The following RIPOR3 variants were observed in gnomAD, a reference collection of about 807,000 sequenced individuals.
RIPOR3 encodes the protein RIPOR family member 3.
In RIPOR3, 95 loss-of-function variants were observed where a neutral mutation model predicts 114.3. The observed-to-expected ratio is 0.83, with a 90% confidence interval of 0.70 to 0.99. RIPOR3 has a LOEUF of 0.99. RIPOR3 is among the 50% of genes least tolerant of loss of function. The pLI is 0.00. For synonymous variants in RIPOR3, 575 were observed against 543.8 expected (o/e 1.06, Z -0.80); for missense variants, 1,252 against 1,266.9 (o/e 0.99, Z 0.18).
At chr20:50,672,658 G>A (rs759100905) in intron 1 of RIPOR3, among the ~76,000 whole-genome samples, 4 of 152,184 alleles carry the variant, frequency 2.6e-5, no homozygotes, top group Non-Finnish European at 5.9e-5. Flanking sequence ...ACAGGGGAAG[G>A]GTCAGGCCCC....
At chr20:50,611,321 GT>G in intron 4 of RIPOR3, 117 bp from the exon 5 acceptor site, 1 of 1,339,718 alleles carries the variant, frequency 7.5e-7, no homozygotes. Context: ...AGAAAGCCAT[GT>G]CTACAGCCAC....
chr20:50,599,392 CA>C (rs112794822), intron 13 of RIPOR3, among the ~76,000 whole-genome samples: 85 of 140,402 alleles, frequency 6.1e-4, no homozygotes, highest in African/African-American at 1.8e-3. Context: ...ACTCCGTCTC[CA>C]AAAAAAAAGG....
intron 20 of RIPOR3, 115 bp from the exon 21 acceptor site, chr20:50,588,007 T>C: frequency 1.1e-6 from 1 of 932,260 alleles, no homozygotes; most frequent in South Asian, 1.7e-5. Context: ...CCTCAGCCCC[T>C]TCCTTTTCTC....
chr20:50,623,223 T>G (rs1191234465), intron 2 of RIPOR3, among the ~76,000 whole-genome samples: 7 of 145,698 alleles, frequency 4.8e-5, no homozygotes, highest in South Asian at 2.1e-4. Flanking sequence ...TCATGCCACT[T>G]CACTCCAGCC....
intron 2 of RIPOR3, among the ~76,000 whole-genome samples, chr20:50,630,056 C>G (rs1486459012): frequency 6.6e-6 from 1 of 151,738 alleles, no homozygotes; most frequent in East Asian, 1.9e-4. Flanking sequence ...CAACCTCCAC[C>G]TCCTGGGTTC....
intron 1 of RIPOR3, among the ~76,000 whole-genome samples, chr20:50,634,008 G>A (rs2426184): frequency 7.1e-6 from 1 of 141,350 alleles, no homozygotes; most frequent in South Asian, 2.2e-4. Flanking sequence ...TTTAGACAGG[G>A]TCTGACTCTA....
In RIPOR3 at chr20:50,602,300, T is replaced by G. The variant is rs774013116; in HGVS notation, c.1431A>C (p.Gly477=). The change falls in exon 13 of 22, where the codon GGA becomes GGC. Residue 477 remains glycine (G), a synonymous_variant. Transcript: ENST00000327979. This position sits in a 1 kb window ranked among gnomAD's most constrained non-coding sequence, Gnocchi z 4.3. ...FAEQPGWRNL[G]GESPSLPQGS... ...CCTGTGGCAGGCTGGGGCTCTCCCC[T>G]CCTAAGTTCCTCCAGCCAGGCTGCT... 345 of 1,613,678 alleles carry G rather than the reference T, an allele frequency of 2.1e-4. 2 individuals carry two copies. Among genetic ancestry groups the G allele is most frequent in the Non-Finnish European group, 2.9e-4 (340 of 1,179,932 alleles).
chr20:50,674,199 G>T (rs1024817468), intron 1 of RIPOR3, among the ~76,000 whole-genome samples: 1 of 152,106 alleles, frequency 6.6e-6, no homozygotes, highest in Non-Finnish European at 1.5e-5. Flanking sequence ...AAGTACAGCC[G>T]ACTCCAAGCT....
Position 50,656,067 on chromosome 20 carries a change from A to T in RIPOR3, c.4-25211T>A, listed in dbSNP as rs1201928026. 2.7e-5 allele frequency among the ~76,000 whole-genome samples: 4 copies of T among 150,776 alleles called. No homozygotes were observed. The South Asian group carries it at 8.4e-4, about 32-fold the overall frequency. On this transcript the variant is annotated intron_variant, in intron 1 of 21. Transcript: ENST00000327979. ...GTTGCCCAGGCTGGAGTGCAGTAGC[A>T]TGCGATCTTGGCTCACTGCAACCTC...
At chr20:50,679,099 T>G (rs1186530008) in intron 1 of RIPOR3, among the ~76,000 whole-genome samples, 1 of 46,372 alleles carries the variant, frequency 2.2e-5, no homozygotes, top group Non-Finnish European at 3.8e-5. Flanking sequence ...AGCAAGATCC[T>G]GTCTCAAAAA....
rs1555873215 is a variant in RIPOR3 at position 50,666,183 on chromosome 20, A to ATTACTTTTCT, written c.3+24942_3+24943insAGAAAAGTAA. 1.8e-3 allele frequency among the ~76,000 whole-genome samples: 77 copies of ATTACTTTTCT among 43,768 alleles called. 6 individuals are homozygous for ATTACTTTTCT. The highest frequency in any genetic ancestry group is 3.7e-3 in the African/African-American group (70 of 18,702). The allele number at this position is 43,768 out of a possible 152,430, so 28.7% of individuals were successfully genotyped here. A position where few individuals can be genotyped will look rare whatever the true frequency, so the allele number is the denominator to read the frequency against. The stretch of plus-strand genomic sequence containing the variant: ...CCTAGAATACAGAGAAAGGACACCC[A>ATTACTTTTCT]TTTCTTTTCTTTTCTTTTCTTTTCT... On this transcript the variant is annotated intron_variant, in intron 1 of 21. Transcript: ENST00000327979.
At chr20:50,683,475 C>T (rs1300121842) in intron 1 of RIPOR3, among the ~76,000 whole-genome samples, 4 of 147,670 alleles carry the variant, frequency 2.7e-5, no homozygotes, top group African/African-American at 5.0e-5. Flanking sequence ...TTCTTTGAGA[C>T]GGAGTCTCAC....
chr20:50,604,409 T>C (rs1304574543), intron 12 of RIPOR3, among the ~76,000 whole-genome samples: 1 of 152,134 alleles, frequency 6.6e-6, no homozygotes, highest in Non-Finnish European at 1.5e-5. Context: ...GCTAGAACCA[T>C]CCAGAGAGCC....
chr20:50,646,877 A>T (rs529544082), intron 1 of RIPOR3, among the ~76,000 whole-genome samples: 1 of 152,342 alleles, frequency 6.6e-6, no homozygotes, highest in South Asian at 2.1e-4. Flanking sequence ...CTACTGGGAG[A>T]TGATTTCGTT....
chr20:50,658,733 C>T (rs2085898324), intron 1 of RIPOR3, among the ~76,000 whole-genome samples: 1 of 152,004 alleles, frequency 6.6e-6, no homozygotes, highest in Non-Finnish European at 1.5e-5. Context: ...TCAATCTTTA[C>T]ATGTTATTTT....
At chr20:50,645,100 C>A (rs868084350) in intron 1 of RIPOR3, among the ~76,000 whole-genome samples, 1 of 152,182 alleles carries the variant, frequency 6.6e-6, no homozygotes, top group Non-Finnish European at 1.5e-5. Flanking sequence ...CCTCAGCCTT[C>A]CAAAGTGCTG....
chr20:50,604,075 G>T (rs559814116), intron 12 of RIPOR3, among the ~76,000 whole-genome samples: 1 of 152,004 alleles, frequency 6.6e-6, no homozygotes, highest in African/African-American at 2.4e-5. Context: ...CCAGCTACTC[G>T]GGAGGCTGAG....
At chr20:50,615,720 A>C (rs2084149153) in intron 4 of RIPOR3, among the ~76,000 whole-genome samples, 1 of 152,158 alleles carries the variant, frequency 6.6e-6, no homozygotes, top group Non-Finnish European at 1.5e-5. Flanking sequence ...CTGATGGCCA[A>C]GGTCTATAAA....
chr20:50,639,455 C>G (rs1302461914), intron 1 of RIPOR3, among the ~76,000 whole-genome samples: 2 of 152,130 alleles, frequency 1.3e-5, no homozygotes, highest in African/African-American at 4.8e-5. Flanking sequence ...CACTCACCCC[C>G]ACAGCTCCCC....
Sources: allele counts gnomAD v4.1 joint callset (sites outside exome capture counted in the v4.1 genomes callset), GRCh38; gene constraint gnomAD v4.1.1; non-coding constraint Gnocchi (gnomAD v3.1); transcripts MANE v1.5; gene names NCBI Gene and HGNC (gene_info 2026-07-23, HGNC 2026-07-21).